Variants in DOT1L observed in about 807,000 individuals in gnomAD.
DOT1L encodes histone-lysine N-methyltransferase, H3 lysine-79 specific.
In DOT1L, 33 loss-of-function variants were observed where a neutral mutation model predicts 153.3. That is an observed-to-expected ratio of 0.22 (90% CI 0.16 to 0.29). DOT1L has a LOEUF of 0.29. Ranked by LOEUF, DOT1L falls within the 10% of genes least tolerant of loss-of-function variation. DOT1L has a pLI of 1.00. For missense variants in DOT1L, 1,847 were observed against 2,119.9 expected, an observed-to-expected ratio of 0.87 and a Z score of 2.53; for synonymous variants, 1,135 against 965.1, an observed-to-expected ratio of 1.18 and a Z score of -3.26.
chr19:2,186,121 C>T (rs974529065), intron 3 of DOT1L, among the ~76,000 whole-genome samples, 192 bp downstream of exon 3: 2 of 152,246 alleles, frequency 1.3e-5, no homozygotes, highest in Admixed American at 6.5e-5. Context: ...CAAAGGCTGT[C>T]AGAGGCCGGA....
Position 2,207,591 on chromosome 19 carries a change from C to T in DOT1L, c.874C>T (p.Arg292Cys), listed in dbSNP as rs2144814855. ...TCCTGCAGACATCGGCACCATCATG[C>T]GCGTGGTGGAGCTCTCGCCCCTGAA... ...RNLSDIGTIM[R>C]VVELSPLKGS... The change falls in exon 11 of 28, where the codon CGC (arginine) becomes TGC (cysteine). Residue 292 changes from arginine to cysteine, a missense_variant. By Grantham distance (180) the Arg-to-Cys change is radical. This residue lies in a region of DOT1L where 148 missense variants were observed against 422.3 expected (regional missense o/e 0.35). Coordinates refer to ENST00000398665, the MANE Select transcript of DOT1L (RefSeq NM_032482.3). This position sits in a 1 kb window ranked among gnomAD's most constrained non-coding sequence, Gnocchi z 4.5. 1 of 1,611,056 alleles carries T rather than the reference C, an allele frequency of 6.2e-7. No individual in the cohort carries two copies. The highest frequency in any genetic ancestry group is 8.5e-7 in the Non-Finnish European group (1 of 1,179,514).
intron 2 of DOT1L, among the ~76,000 whole-genome samples, chr19:2,184,545 C>T (rs1010996846): frequency 6.6e-6 from 1 of 152,072 alleles, no homozygotes; most frequent in Admixed American, 6.6e-5. Flanking sequence ...GAGCAGAGGC[C>T]GAACCCCCAT....
intron 27 of DOT1L, chr19:2,227,492 T>G (rs940055437): frequency 9.6e-6 from 5 of 523,110 alleles, no homozygotes; most frequent in Non-Finnish European, 1.8e-5. Context: ...CCGCAGTGCC[T>G]GCCCAGACAG....
intron 18 of DOT1L, 67 bp downstream of exon 18, chr19:2,214,053 C>G: frequency 6.4e-7 from 1 of 1,552,946 alleles, no homozygotes; most frequent in African/African-American, 1.4e-5. Flanking sequence ...GGTGTGTCCT[C>G]TGTGCGGGTG....
Position 2,213,481 on chromosome 19 carries a change from C to T in DOT1L, c.1558-58C>T, listed in dbSNP as rs2023783895. On this transcript the variant is annotated intron_variant, in intron 16 of 27. Coordinates refer to ENST00000398665, the MANE Select transcript of DOT1L (RefSeq NM_032482.3). ...ATGAGAGGCAGGGCGTGGGCCCTCCCTGTGGGCCCTCAGTCACCTGCCCTG... is the reference window on the plus strand; with the variant it reads ...ATGAGAGGCAGGGCGTGGGCCCTCCTTGTGGGCCCTCAGTCACCTGCCCTG... The T allele has an allele frequency of 2.6e-6, 4 of 1,551,646 alleles. No individual in the cohort carries two copies. In the South Asian group the frequency reaches 4.5e-5, roughly 18 times the overall value.
At chr19:2,201,507 T>C (rs192270694) in intron 8 of DOT1L, among the ~76,000 whole-genome samples, 1 of 152,324 alleles carries the variant, frequency 6.6e-6, no homozygotes, top group African/African-American at 2.4e-5. Flanking sequence ...GGGGAACAAG[T>C]AGAAAATGGG....
rs767916803 is a variant in DOT1L at position 2,211,802 on chromosome 19, A to G, written c.1517A>G (p.Gln506Arg). ...LQFLAYTKTP[Q>R]YKASLQELLG... The stretch of plus-strand genomic sequence containing the variant: ...TTCCTGGCATACACAAAGACCCCCC[A>G]GTACAAGGCCAGCCTGCAGGAGCTG... The change falls in exon 16 of 28, where the codon CAG becomes CGG. Residue 506 changes from glutamine (Q) to arginine (R), a missense_variant. Coordinates refer to ENST00000398665, the MANE Select transcript of DOT1L (RefSeq NM_032482.3). The G allele has an allele frequency of 1.3e-6, 2 of 1,575,098 alleles. No homozygotes were observed. Among genetic ancestry groups the G allele is most frequent in the Middle Eastern group, 1.7e-4 (1 of 6,026 alleles).
rs2024541176 is a variant in DOT1L, at chr19:2,230,262, C to T, written c.*470C>T. On this transcript the variant is annotated 3_prime_UTR_variant, in exon 28 of 28. Coordinates refer to ENST00000398665, the MANE Select transcript of DOT1L (RefSeq NM_032482.3). ...TCTCGGAAACGCCGCCCGGCCGGCT[C>T]CCCCGACGCGCTGCTCCCGTACCAA... The T allele has an allele frequency of 2.3e-6, 1 of 427,380 alleles. No individual in the cohort carries two copies. The highest frequency in any genetic ancestry group is 4.1e-6 in the Non-Finnish European group (1 of 243,730). The allele number at this position is 427,380 out of a possible 1,614,324, so 26.5% of individuals were successfully genotyped here.
rs1167101958 is a variant in DOT1L at position 2,230,971 on chromosome 19, CCTGGCCTCT to C, written c.*1186_*1194del. On this transcript the variant is annotated 3_prime_UTR_variant, in exon 28 of 28. Transcript: ENST00000398665. Reference sequence around the variant, plus strand: ...CTGGGGCCAGGGTGCACTGCTGAAACCTGGCCTCTCTGGCCCTAGGCCCCAGGGTGACGT... The same window carrying C: ...CTGGGGCCAGGGTGCACTGCTGAAACCTGGCCCTAGGCCCCAGGGTGACGT... 1.2e-5 allele frequency: 3 copies of C among 252,164 alleles called. No individual in the cohort carries two copies. Among genetic ancestry groups the C allele is most frequent in the African/African-American group, 6.5e-5 (3 of 46,056 alleles). 15.6% of individuals were successfully genotyped at this position (252,164 alleles called of 1,614,324 possible).
At chr19:2,189,668 TC>T (rs1295410123) in intron 3 of DOT1L, 63 bp from the exon 4 acceptor site, 24 of 1,573,360 alleles carry the variant, frequency 1.5e-5, no homozygotes, top group South Asian at 1.0e-4. Context: ...CCACATGCTG[TC>T]CCCTCCCATG....
At chr19:2,218,655 A>C (rs2144883219) in intron 22 of DOT1L, among the ~76,000 whole-genome samples, 1 of 150,962 alleles carries the variant, frequency 6.6e-6, no homozygotes, top group Non-Finnish European at 1.5e-5. Flanking sequence ...GGCCTCCCAA[A>C]GTGCTGGGAT....
At chr19:2,221,888 C>G (rs1440177922) in intron 23 of DOT1L, 88 bp from the exon 24 acceptor site, 9 of 1,319,418 alleles carry the variant, frequency 6.8e-6, no homozygotes, top group Non-Finnish European at 7.1e-6. Flanking sequence ...CTGGAGCCCA[C>G]AGAGCTCCTA....
At chr19:2,228,483 C>T in intron 27 of DOT1L, 4 of 1,199,642 alleles carry the variant, frequency 3.3e-6, no homozygotes, top group Admixed American at 3.6e-5. Flanking sequence ...TCCGGGGGTC[C>T]TGAGGAGGGA....
At chr19:2,229,495 T>G in intron 27 of DOT1L, 1 of 985,422 alleles carries the variant, frequency 1.0e-6, no homozygotes, top group Non-Finnish European at 1.2e-6. Flanking sequence ...CTGGGTCTCT[T>G]AGGAGATGAG....
In DOT1L at chr19:2,229,834, G is replaced by C; in HGVS notation, c.*42G>C. ...GCGAGACCTATGCAAGGACGGTGTG[G>C]ACCAACTCGCGCCCGCGGCATGGTG... On this transcript the variant is annotated 3_prime_UTR_variant, in exon 28 of 28. Coordinates refer to ENST00000398665, the MANE Select transcript of DOT1L (RefSeq NM_032482.3). 6.2e-7 allele frequency: 1 copy of C among 1,612,718 alleles called. No homozygotes were observed. Among genetic ancestry groups the C allele is most frequent in the Non-Finnish European group, 8.5e-7 (1 of 1,179,900 alleles).
intron 19 of DOT1L, chr19:2,216,017 CGAGA>C (rs946429493): frequency 2.2e-6 from 1 of 457,558 alleles, no homozygotes; most frequent in African/African-American, 2.0e-5. Flanking sequence ...TTTTGAGAGA[CGAGA>C]GCTCTTTGTA....
chr19:2,174,155 T>C (rs2021791880), intron 1 of DOT1L, among the ~76,000 whole-genome samples: 2 of 152,176 alleles, frequency 1.3e-5, no homozygotes, highest in Admixed American at 1.3e-4. Flanking sequence ...CTAGTTATTA[T>C]CAAGTCAGCT....
rs1028965621 is a variant in DOT1L at position 2,207,529 on chromosome 19, G to T, written c.857-45G>T. 3 of 1,549,598 alleles carry T rather than the reference G, an allele frequency of 1.9e-6. No individual in the cohort carries two copies. Among genetic ancestry groups the T allele is most frequent in the Admixed American group, 1.7e-5 (1 of 57,256 alleles). On this transcript the variant is annotated intron_variant, in intron 10 of 27. Transcript: ENST00000398665. This position sits in a 1 kb window ranked among gnomAD's most constrained non-coding sequence, Gnocchi z 4.5. ...GGGTGGGTGAGGTCTGCATGGAGGG[G>T]CTGTGGGCAGGCGCAGGCCCCGGCC...
chr19:2,216,249 G>A (rs369830228), intron 19 of DOT1L, 32 bp from the exon 20 acceptor site: 11 of 1,536,892 alleles, frequency 7.2e-6, no homozygotes, highest in African/African-American at 1.4e-5. Context: ...TCCCCCGGTG[G>A]GGCGGGCCTG....
Sources: allele counts gnomAD v4.1 joint callset (sites outside exome capture counted in the v4.1 genomes callset), GRCh38; gene constraint gnomAD v4.1.1; regional missense constraint gnomAD v4.1.1; non-coding constraint Gnocchi (gnomAD v3.1); transcripts MANE v1.5; gene names NCBI Gene and HGNC (gene_info 2026-07-23, HGNC 2026-07-21).